The following ACSL6 variants were observed in gnomAD, a reference collection of about 807,000 sequenced individuals.
The protein encoded by ACSL6 is acyl-CoA synthetase long chain family member 6.
A neutral mutation model predicts 98.2 loss-of-function variants in ACSL6; 47 were observed. The ratio of observed to expected loss-of-function variants is 0.48; its 90% CI spans 0.38 to 0.61. The LOEUF (loss-of-function observed/expected upper bound fraction) is 0.61, where lower values mean the gene tolerates loss of function less well. Among genes scored for constraint, ACSL6 ranks in the 20% least tolerant of loss-of-function variants. ACSL6 has a pLI of 0.00. For missense variants in ACSL6, 761 were observed against 913.4 expected (o/e 0.83, Z 2.15); for synonymous variants, 362 against 336.9 (o/e 1.07, Z -0.82).
In ACSL6 at chr5:131,952,664, G is replaced by A. The variant is rs1238907649; in HGVS notation, c.*1570C>T. The A allele has an allele frequency of 4.7e-6, 1 of 214,068 alleles. No homozygotes were observed. The highest frequency in any genetic ancestry group is 2.3e-5 in the African/African-American group (1 of 44,184). The allele number at this position is 214,068 out of a possible 1,614,324, so 13.3% of individuals were successfully genotyped here. ...ACAATCTATAGCTTGGAACTTAATT[G>A]CTGTCCATGGTATCTGGCCTTTAAT... On this transcript the variant is annotated 3_prime_UTR_variant, in exon 21 of 21. Transcript: ENST00000651883.
At chr5:131,955,822 C>A (rs1752374170) in intron 20 of ACSL6, among the ~76,000 whole-genome samples, 1 of 152,128 alleles carries the variant, frequency 6.6e-6, no homozygotes, top group African/African-American at 2.4e-5. Flanking sequence ...ACCTTAGTTA[C>A]AGGGATTTAA....
chr5:131,971,665 C>T lies in ACSL6; in HGVS notation c.1339-20G>A, dbSNP rs181615066. 1,097 of 1,585,062 alleles carry T rather than the reference C, an allele frequency of 6.9e-4. 1 individual carries two copies. The highest frequency in any genetic ancestry group is 7.1e-4 in the Non-Finnish European group (827 of 1,164,336). On this transcript the variant is annotated intron_variant, in intron 13 of 20. Transcript: ENST00000651883. Reference sequence around the variant, plus strand: ...ACTGGCCTGTGGGAAGAAAGAAGAGCTGCCAAATTTTGTGATGTCTGAGAT... The same window carrying T: ...ACTGGCCTGTGGGAAGAAAGAAGAGTTGCCAAATTTTGTGATGTCTGAGAT...
Position 131,974,982 on chromosome 5 carries a change from G to C in ACSL6, c.991-12C>G, listed in dbSNP as rs779231367. On this transcript the variant is annotated splice_polypyrimidine_tract_variant and intron_variant, in intron 10 of 20. Coordinates refer to ENST00000651883, the MANE Select transcript of ACSL6 (RefSeq NM_001009185.3). ...GGAAAGATCACTTTCTGCAGGCGAC[G>C]GGCATGGGAGACAGAAAGGAAAGAA... 6 of 1,612,738 alleles carry C rather than the reference G, an allele frequency of 3.7e-6. No individual in the cohort carries two copies. Among genetic ancestry groups the C allele is most frequent in the Non-Finnish European group, 4.2e-6 (5 of 1,179,374 alleles).
At chr5:131,977,132 C>A (rs547185987) in intron 9 of ACSL6, among the ~76,000 whole-genome samples, 1 of 152,326 alleles carries the variant, frequency 6.6e-6, no homozygotes, top group Non-Finnish European at 1.5e-5. Context: ...GTCCAGCAGC[C>A]AACTCTGATG....
intron 7 of ACSL6, 102 bp from the exon 8 acceptor site, chr5:131,986,956 TACACAC>T (rs1420496974): frequency 2.8e-6 from 3 of 1,066,474 alleles, no homozygotes; most frequent in Non-Finnish European, 4.1e-6. Flanking sequence ...CACATACACA[TACACAC>T]ACACACATAC....
intron 15 of ACSL6, 33 bp downstream of exon 15, chr5:131,970,095 G>A (rs542904263): frequency 3.5e-5 from 56 of 1,605,806 alleles, no homozygotes; most frequent in South Asian, 4.4e-5. Flanking sequence ...ACAGTGCCTC[G>A]CGAGCCAGTC....
At chr5:132,009,053 T>C (rs1755569666) in intron 1 of ACSL6, among the ~76,000 whole-genome samples, 1 of 152,206 alleles carries the variant, frequency 6.6e-6, no homozygotes, top group African/African-American at 2.4e-5. Flanking sequence ...GTCTCCTTGT[T>C]TAGTATTCAA....
intron 12 of ACSL6, 128 bp downstream of exon 12, chr5:131,973,138 C>A (rs1170006782): frequency 1.6e-6 from 2 of 1,275,686 alleles, no homozygotes; most frequent in African/African-American, 3.0e-5. Context: ...TCAGGAACTA[C>A]AAGAGAGGAG....
chr5:132,011,822 G>A, upstream of ACSL6: 3 of 1,487,572 alleles, frequency 2.0e-6, no homozygotes, highest in South Asian at 4.0e-5. The surrounding 1 kb of genome is among the most constrained non-coding windows in gnomAD (Gnocchi z 5.4). Flanking sequence ...CGCACTGACC[G>A]CGGTGTCGGA....
At position 131,990,817 on chromosome 5, in the gene ACSL6, C is replaced by T. The variant is rs773094823; in HGVS notation, c.385+36G>A. ...TTGCACCCACTCCACCCCTGCCACACAGCCCCTCCACACCCCCCCCCACAA... is the reference window on the plus strand; with the variant it reads ...TTGCACCCACTCCACCCCTGCCACATAGCCCCTCCACACCCCCCCCCACAA... On this transcript the variant is annotated intron_variant, in intron 3 of 20. Transcript: ENST00000651883. 5 of 1,513,038 alleles carry T rather than the reference C, an allele frequency of 3.3e-6. No individual in the cohort carries two copies. The African/African-American group carries it at 1.0e-4, about 30-fold the overall frequency. 93.7% of individuals were successfully genotyped at this position (1,513,038 alleles called of 1,614,324 possible).
At position 131,953,741 on chromosome 5, in the gene ACSL6, C is replaced by A; in HGVS notation, c.*493G>T. 5.1e-6 allele frequency: 1 copy of A among 194,634 alleles called. No homozygotes were observed. Among genetic ancestry groups the A allele is most frequent in the Non-Finnish European group, 1.1e-5 (1 of 93,122 alleles). The allele number at this position is 194,634 out of a possible 1,614,324, so 12.1% of individuals were successfully genotyped here. On this transcript the variant is annotated 3_prime_UTR_variant, in exon 21 of 21. Transcript: ENST00000651883. ...TGAAGTTACGTAGACTATGAGTTAT[C>A]ATGTTTTCTTTTAGCATGATTCTAT...
Position 131,962,690 on chromosome 5 carries a change from GACAA to G in ACSL6, c.1714-16_1714-13del. The G allele has an allele frequency of 6.2e-7, 1 of 1,613,472 alleles. No homozygotes were observed. ...TTAAGAGTTCCTGCCTGTAGAGTTG[GACAA>G]ACAGCTTTATAAGAACATGGCACTC... On this transcript the variant is annotated splice_polypyrimidine_tract_variant and intron_variant, in intron 17 of 20. Coordinates refer to ENST00000651883, the MANE Select transcript of ACSL6 (RefSeq NM_001009185.3).
intron 11 of ACSL6, among the ~76,000 whole-genome samples, chr5:131,974,399 A>G (rs558443694): frequency 6.6e-6 from 1 of 152,322 alleles, no homozygotes; most frequent in African/African-American, 2.4e-5. Context: ...GAGTTTGTGA[A>G]TTATAAAAGT....
intron 1 of ACSL6, among the ~76,000 whole-genome samples, chr5:132,002,889 A>G (rs776277026): frequency 6.6e-6 from 1 of 152,098 alleles, no homozygotes; most frequent in Non-Finnish European, 1.5e-5. Context: ...GGTGATGGGT[A>G]CTGTATATCT....
rs1017687759 is a variant in ACSL6 at position 131,988,062 on chromosome 5, T to C, written c.817A>G (p.Met273Val). 1.2e-6 allele frequency: 2 copies of C among 1,614,108 alleles called. No individual in the cohort carries two copies. Among genetic ancestry groups the C allele is most frequent in the Non-Finnish European group, 1.7e-6 (2 of 1,179,966 alleles). ...CAGACCCTCACCTCCACGGCCTGCATGGACTTAATGACCACCCCGCACTTC... is the reference window on the plus strand; with the variant it reads ...CAGACCCTCACCTCCACGGCCTGCACGGACTTAATGACCACCCCGCACTTC... ...GQKCGVVIKS[M>V]QAVEDCGQEN... The change falls in exon 7 of 21, where the codon ATG (methionine) becomes GTG (valine). Residue 273 changes from methionine to valine, a missense_variant. Physicochemically the swap from Met to Val is conservative, Grantham distance 21. Coordinates refer to ENST00000651883, the MANE Select transcript of ACSL6 (RefSeq NM_001009185.3).
chr5:132,003,001 G>A (rs1432149115), intron 1 of ACSL6, among the ~76,000 whole-genome samples: 2 of 152,202 alleles, frequency 1.3e-5, no homozygotes, highest in Non-Finnish European at 2.9e-5. Context: ...TTGGCAAAGG[G>A]ATTGCTGCTG....
At chr5:132,003,566 G>C (rs1246508097) in intron 1 of ACSL6, 8 of 152,276 alleles carry the variant, frequency 5.3e-5, no homozygotes, top group African/African-American at 1.4e-4. Flanking sequence ...CACATGAAAG[G>C]GTTTGTATTC....
chr5:131,990,001 AC>A, intron 4 of ACSL6, 98 bp downstream of exon 4: 1 of 1,255,796 alleles, frequency 8.0e-7, no homozygotes. Flanking sequence ...GAAATAAATG[AC>A]CCTCTGAGAC....
chr5:131,983,990 T>C (rs575866195), intron 9 of ACSL6: 2 of 152,400 alleles, frequency 1.3e-5, no homozygotes, highest in East Asian at 3.9e-4. Context: ...GGTAAGGCCA[T>C]AGCAGTGACC....
Sources: gnomAD v4.1 joint callset for allele counts (sites outside exome capture counted in the v4.1 genomes callset) on GRCh38, gnomAD v4.1.1 for gene constraint, Gnocchi (gnomAD v3.1) non-coding constraint, MANE v1.5 for transcripts, NCBI Gene and HGNC (gene_info 2026-07-23, HGNC 2026-07-21) for gene names.